ATXN1: variants seen among roughly 807,000 people sequenced by gnomAD.
ATXN1 encodes the protein ataxin 1.
Under a neutral mutation model 56.4 loss-of-function variants are expected in ATXN1, and 8 were observed. The ratio of observed to expected loss-of-function variants is 0.14; its 90% CI spans 0.08 to 0.26. ATXN1 has a LOEUF of 0.26. Among genes scored for constraint, ATXN1 ranks in the 10% least tolerant of loss-of-function variants. ATXN1 has a pLI of 1.00. For synonymous variants in ATXN1, 514 were observed against 494.6 expected, an observed-to-expected ratio of 1.04 and a Z score of -0.52; for missense variants, 987 against 1,106.5, an observed-to-expected ratio of 0.89 and a Z score of 1.53.
intron 5 of ATXN1, among the ~76,000 whole-genome samples, chr6:16,518,309 TA>T (rs894213104): frequency 1.3e-5 from 2 of 152,200 alleles, no homozygotes; most frequent in African/African-American, 2.4e-5. Flanking sequence ...GTGGAATGAG[TA>T]ACCCGGCTGG....
In ATXN1 at chr6:16,742,625, G is replaced by C. The variant is rs575519267; in HGVS notation, c.-615+10608C>G. Among the ~76,000 whole-genome samples, 6 of 152,244 alleles carry C rather than the reference G, an allele frequency of 3.9e-5. No homozygotes were observed. The South Asian group carries it at 1.2e-3, about 32-fold the overall frequency. On this transcript the variant is annotated intron_variant, in intron 2 of 7. Coordinates refer to ENST00000436367, the MANE Select transcript of ATXN1 (RefSeq NM_001128164.2). ...GTCGCTCACACCATCAACCACAAAT[G>C]CACTCCCTCCACCTGGAGAAGGCGT...
chr6:16,377,901 G>A (rs1762175763), intron 6 of ATXN1, among the ~76,000 whole-genome samples: 1 of 152,206 alleles, frequency 6.6e-6, no homozygotes, highest in South Asian at 2.1e-4. Context: ...GTCTTTCAGG[G>A]TTAGAACAGA....
At chr6:16,554,287 C>T (rs1761972078) in intron 4 of ATXN1, among the ~76,000 whole-genome samples, 1 of 152,174 alleles carries the variant, frequency 6.6e-6, no homozygotes, top group Non-Finnish European at 1.5e-5. Flanking sequence ...GAGGTTTTCC[C>T]TAAAAATCTA....
chr6:16,715,421 T>G (rs1454452004), intron 2 of ATXN1, among the ~76,000 whole-genome samples: 1 of 152,162 alleles, frequency 6.6e-6, no homozygotes, highest in African/African-American at 2.4e-5. Context: ...TTCAAAAAAT[T>G]TCATGACTAC....
chr6:16,357,592 A>G (rs1761718597), intron 6 of ATXN1, among the ~76,000 whole-genome samples: 1 of 152,180 alleles, frequency 6.6e-6, no homozygotes, highest in Non-Finnish European at 1.5e-5. Context: ...TTAAATGCTT[A>G]ACCGAGTCCA....
chr6:16,720,432 C>A (rs1458255992), intron 2 of ATXN1, among the ~76,000 whole-genome samples: 1 of 152,176 alleles, frequency 6.6e-6, no homozygotes, highest in East Asian at 1.9e-4. Flanking sequence ...GTCCTCAGTG[C>A]ATACAACCAT....
chr6:16,416,479 G>A (rs1255708802), intron 6 of ATXN1, among the ~76,000 whole-genome samples: 1 of 152,152 alleles, frequency 6.6e-6, no homozygotes, highest in Non-Finnish European at 1.5e-5. Context: ...ATATAAGAAA[G>A]TACAATACCT....
At chr6:16,713,100 C>T (rs1759561360) in intron 2 of ATXN1, among the ~76,000 whole-genome samples, 1 of 152,176 alleles carries the variant, frequency 6.6e-6, no homozygotes, top group Admixed American at 6.5e-5. Context: ...GTGAAAGAAT[C>T]GCTAGGAGTA....
At chr6:16,395,465 A>C (rs1226554632) in intron 6 of ATXN1, among the ~76,000 whole-genome samples, 1 of 152,042 alleles carries the variant, frequency 6.6e-6, no homozygotes. Context: ...ATAAGATTAT[A>C]ATGGAGCTGA....
At chr6:16,721,339 C>T (rs1421380749) in intron 2 of ATXN1, among the ~76,000 whole-genome samples, 1 of 152,132 alleles carries the variant, frequency 6.6e-6, no homozygotes, top group Non-Finnish European at 1.5e-5. Flanking sequence ...AAATATGTAC[C>T]AAGTGGCTGG....
In ATXN1 at chr6:16,761,316, C is replaced by G. The variant is rs1229707317; in HGVS notation, c.-748G>C. ...CACTTACTGTAAAGTGTAAATGGAT[C>G]TGGGGTTGCGTGGGGAAGGGGGGGC... is the stretch of plus-strand genomic sequence containing the variant. On this transcript the variant is annotated 5_prime_UTR_variant, in exon 1 of 8. Transcript: ENST00000436367. 9 of 453,700 alleles carry G rather than the reference C, an allele frequency of 2.0e-5. No individual in the cohort carries two copies. The highest frequency in any genetic ancestry group is 1.8e-5 in the Non-Finnish European group (4 of 226,176). The allele number at this position is 453,700 out of a possible 1,614,324, so 28.1% of individuals were successfully genotyped here.
At chr6:16,702,678 T>C (rs374383940) in intron 2 of ATXN1, among the ~76,000 whole-genome samples, 2 of 152,184 alleles carry the variant, frequency 1.3e-5, no homozygotes, top group Admixed American at 1.3e-4. Context: ...GGGCGAAGGA[T>C]ATGAATAGAC....
rs184043186 is a variant in ATXN1 at position 16,439,188 on chromosome 6, G to A, written c.-161+46784C>T. ...TGAAGGGCCTCCAAGAATTTAAAAA[G>A]GACAAAATAGAAAAAGCAGAGAGTT... On this transcript the variant is annotated intron_variant, in intron 6 of 7. Transcript: ENST00000436367. Among the ~76,000 whole-genome samples, 929 of 151,686 alleles carry A rather than the reference G, an allele frequency of 6.1e-3. 9 individuals carry two copies. Among genetic ancestry groups the A allele is most frequent in the Non-Finnish European group, 0.011 (769 of 67,918 alleles).
intron 4 of ATXN1, among the ~76,000 whole-genome samples, chr6:16,583,208 C>G (rs181819628): frequency 2.1e-3 from 313 of 152,246 alleles, no homozygotes; most frequent in Non-Finnish European, 3.1e-3. Context: ...CAGAGCTGTT[C>G]AAATTAGACC....
intron 6 of ATXN1, among the ~76,000 whole-genome samples, chr6:16,420,426 A>T (rs1235302101): frequency 1.3e-5 from 2 of 152,226 alleles, no homozygotes; most frequent in Non-Finnish European, 2.9e-5. Context: ...GCGTGTTTTT[A>T]TTTAACAATA....
At chr6:16,660,318 G>C (rs16878721) in intron 2 of ATXN1, among the ~76,000 whole-genome samples, 1 of 152,098 alleles carries the variant, frequency 6.6e-6, no homozygotes, top group African/African-American at 2.4e-5. Flanking sequence ...GGGGCCTAGG[G>C]CATTCACAGA....
intron 3 of ATXN1, among the ~76,000 whole-genome samples, chr6:16,606,770 C>T (rs1008979891): frequency 6.6e-6 from 1 of 151,362 alleles, no homozygotes; most frequent in Non-Finnish European, 1.5e-5. Flanking sequence ...CCTCGTGATC[C>T]GCCCGCCTCA....
intron 2 of ATXN1, among the ~76,000 whole-genome samples, chr6:16,690,905 C>T (rs16878791): frequency 0.42 from 63,579 of 151,946 alleles, 13,581 homozygotes; most frequent in Non-Finnish European, 0.47. Context: ...TCCTTAGAGC[C>T]CCAGATTTCA....
At chr6:16,664,336 C>T (rs941041256) in intron 2 of ATXN1, among the ~76,000 whole-genome samples, 1 of 152,066 alleles carries the variant, frequency 6.6e-6, no homozygotes, top group Non-Finnish European at 1.5e-5. Flanking sequence ...TTATAGGCCT[C>T]TCTCTAAATA....
Sources: gnomAD v4.1 joint callset for allele counts (sites outside exome capture counted in the v4.1 genomes callset) on GRCh38, gnomAD v4.1.1 for gene constraint, MANE v1.5 for transcripts, NCBI Gene and HGNC (gene_info 2026-07-23, HGNC 2026-07-21) for gene names.